The following NELL2 variants were observed in gnomAD, a reference collection of about 807,000 sequenced individuals.
NELL2 encodes protein kinase C-binding protein NELL2.
A neutral mutation model predicts 109.6 loss-of-function variants in NELL2; 41 were observed. The observed-to-expected ratio is 0.37, with a 90% CI of 0.29 to 0.49. The LOEUF is 0.49. NELL2 is among the 20% of genes least tolerant of loss of function. NELL2 has a pLI of 0.98. For missense variants in NELL2, 900 were observed against 1,008.3 expected (o/e 0.89, Z 1.45); for synonymous variants, 355 against 344.7 (o/e 1.03, Z -0.33).
At chr12:44,774,603 A>G in intron 9 of NELL2, 144 bp downstream of exon 9, 1 of 692,966 alleles carries the variant, frequency 1.4e-6, no homozygotes, top group South Asian at 1.9e-5. Context: ...CTAATCAACC[A>G]AAACAGAGAA....
In NELL2 at chr12:44,515,016, A is replaced by G. The variant is rs572278677; in HGVS notation, c.2400+4989T>C. On this transcript the variant is annotated intron_variant, in intron 19 of 19. Coordinates refer to ENST00000429094, the MANE Select transcript of NELL2 (RefSeq NM_001145108.2). ...AAAGTTATAGTTTAAAATCCAATAG[A>G]ACAATTTAGATAAAATAAAAATGTT... Among the ~76,000 whole-genome samples the G allele has an allele frequency of 2.0e-5, 3 of 151,674 alleles. No individual in the cohort carries two copies. The East Asian group carries it at 5.8e-4, about 29-fold the overall frequency.
chr12:44,579,392 G>C (rs1234056026), intron 15 of NELL2, among the ~76,000 whole-genome samples: 1 of 152,184 alleles, frequency 6.6e-6, no homozygotes, highest in Non-Finnish European at 1.5e-5. Flanking sequence ...CCAGTTTGCT[G>C]TGCCAACAGG....
intron 1 of NELL2, among the ~76,000 whole-genome samples, chr12:44,896,653 G>C (rs1945596332): frequency 6.6e-6 from 1 of 152,146 alleles, no homozygotes; most frequent in Non-Finnish European, 1.5e-5. Flanking sequence ...TGTACTAGAT[G>C]AGCACAAGAA....
rs113455984 is a variant in NELL2 at position 44,833,144 on chromosome 12, G to A, written c.185-17008C>T. Among the ~76,000 whole-genome samples the A allele has an allele frequency of 3.1e-3, 467 of 152,240 alleles. 3 individuals are homozygous for A. The highest frequency in any genetic ancestry group is 0.011 in the African/African-American group (440 of 41,558). On this transcript the variant is annotated intron_variant, in intron 2 of 19. Transcript: ENST00000429094. ...AGAACACTTAACAAATAAATGTTTT[G>A]CTTTTTGTTTTCTTTTGTTGTATAA...
intron 13 of NELL2, among the ~76,000 whole-genome samples, chr12:44,648,370 T>A (rs1947172148): frequency 6.6e-6 from 1 of 152,134 alleles, no homozygotes; most frequent in Non-Finnish European, 1.5e-5. Context: ...TACATCAGCA[T>A]TTGAATTACA....
At chr12:44,881,251 A>G (rs186100447), upstream of NELL2, among the ~76,000 whole-genome samples, 3 of 152,132 alleles carry the variant, frequency 2.0e-5, no homozygotes, top group East Asian at 5.8e-4. Context: ...AGAACTAGAA[A>G]AACTTCAACT....
rs144536685 is a variant in NELL2 at position 44,907,676 on chromosome 12, T to A, written c.38+6123A>T. ...GAGAGAAGTACAATGGTAGATTGAGTGAAGGCAAAGTAGGATCAAATGAAG... is the reference window on the plus strand; with the variant it reads ...GAGAGAAGTACAATGGTAGATTGAGAGAAGGCAAAGTAGGATCAAATGAAG... On this transcript the variant is annotated intron_variant, in intron 1 of 20. Transcript: ENST00000333837. Among the ~76,000 whole-genome samples, 735 of 152,082 alleles carry A rather than the reference T, an allele frequency of 4.8e-3. 6 individuals are homozygous for A. Among genetic ancestry groups the A allele is most frequent in the African/African-American group, 0.017 (692 of 41,482 alleles).
intron 3 of NELL2, among the ~76,000 whole-genome samples, chr12:44,815,150 T>G (rs1380705196): frequency 6.6e-6 from 1 of 152,178 alleles, no homozygotes; most frequent in Non-Finnish European, 1.5e-5. Context: ...GCAATTTATG[T>G]ATATGTCAAG....
At chr12:44,820,534 A>G (rs948088398) in intron 2 of NELL2, among the ~76,000 whole-genome samples, 2 of 150,950 alleles carry the variant, frequency 1.3e-5, no homozygotes, top group Non-Finnish European at 3.0e-5. Flanking sequence ...GCGTGAACCC[A>G]GGAGGCGGAG....
At chr12:44,904,219 T>C (rs1208674534) in intron 1 of NELL2, among the ~76,000 whole-genome samples, 1 of 152,106 alleles carries the variant, frequency 6.6e-6, no homozygotes. Flanking sequence ...GTTACTTCAT[T>C]GTATAAAACA....
intron 12 of NELL2, among the ~76,000 whole-genome samples, chr12:44,676,162 G>C (rs1164582055): frequency 6.6e-6 from 1 of 152,076 alleles, no homozygotes; most frequent in Admixed American, 6.6e-5. Flanking sequence ...AGATCAATAT[G>C]GGTTATTGCT....
chr12:44,596,366 G>T (rs551717951), intron 15 of NELL2, among the ~76,000 whole-genome samples: 1 of 152,262 alleles, frequency 6.6e-6, no homozygotes, highest in African/African-American at 2.4e-5. Flanking sequence ...GACAGTCCTA[G>T]AAATTATTCT....
chr12:44,554,595 G>A (rs533329435), intron 15 of NELL2, among the ~76,000 whole-genome samples: 1 of 152,238 alleles, frequency 6.6e-6, no homozygotes, highest in African/African-American at 2.4e-5. Context: ...CTTTAAATAT[G>A]TGGGGTTTAC....
At chr12:44,629,595 C>T (rs1032060480) in intron 13 of NELL2, among the ~76,000 whole-genome samples, 11 of 152,058 alleles carry the variant, frequency 7.2e-5, no homozygotes, top group African/African-American at 1.9e-4. Context: ...AGAGACAGAT[C>T]GGGCACATAC....
intron 9 of NELL2, among the ~76,000 whole-genome samples, chr12:44,739,641 A>T (rs1179902514): frequency 6.6e-6 from 1 of 152,240 alleles, no homozygotes; most frequent in Non-Finnish European, 1.5e-5. Flanking sequence ...CTGTAATCTC[A>T]GCAAGTTGGG....
chr12:44,575,541 C>A (rs1258763834), intron 15 of NELL2, among the ~76,000 whole-genome samples: 2 of 152,156 alleles, frequency 1.3e-5, no homozygotes, highest in East Asian at 3.9e-4. Flanking sequence ...TTTGGTCTTG[C>A]CTTTTGGGTG....
Position 44,776,676 on chromosome 12 carries a change from G to A in NELL2, c.762+366C>T, listed in dbSNP as rs184563578. Among the ~76,000 whole-genome samples, 906 of 152,222 alleles carry A rather than the reference G, an allele frequency of 6.0e-3. 7 individuals carry two copies. The highest frequency in any genetic ancestry group is 0.018 in the African/African-American group (757 of 41,532). On this transcript the variant is annotated intron_variant, in intron 7 of 19. Transcript: ENST00000429094. ...TAACATAGTGGTAGAAAGCATTTAT[G>A]GGACCATTTCTTTGATACAATTCTG...
At chr12:44,517,404 TC>T (rs1941325713) in intron 19 of NELL2, among the ~76,000 whole-genome samples, 1 of 151,222 alleles carries the variant, frequency 6.6e-6, no homozygotes, top group Admixed American at 6.6e-5. Flanking sequence ...TCTCTCTCTC[TC>T]TCTCTCTCTC....
chr12:44,699,283 C>A (rs1378499036), intron 12 of NELL2, among the ~76,000 whole-genome samples: 1 of 151,980 alleles, frequency 6.6e-6, no homozygotes, highest in Non-Finnish European at 1.5e-5. Context: ...GATAAGCATG[C>A]AGTTAACAAA....
Sources: allele counts gnomAD v4.1 joint callset (sites outside exome capture counted in the v4.1 genomes callset), GRCh38; gene constraint gnomAD v4.1.1; transcripts MANE v1.5; gene names NCBI Gene and HGNC (gene_info 2026-07-23, HGNC 2026-07-21).